The following GBX1 variants were observed in gnomAD, a reference collection of about 807,000 sequenced individuals.
The protein encoded by GBX1 is homeobox protein GBX-1.
Under a neutral mutation model 22.9 loss-of-function variants are expected in GBX1, and 9 were observed. That is an observed-to-expected ratio of 0.39 (90% confidence interval 0.24 to 0.69). The LOEUF is 0.69. Ranked by LOEUF, GBX1 falls within the 30% of genes least tolerant of loss-of-function variation. The pLI, the probability that GBX1 is intolerant of heterozygous loss-of-function variation, is 0.43. For missense variants in GBX1, 494 were observed against 509.2 expected (o/e 0.97, Z 0.29); for synonymous variants, 203 against 227.3 (o/e 0.89, Z 0.96).
rs1801035753 is a variant in GBX1 at position 151,148,203 on chromosome 7, T to TTGGCTAGGTA, written c.*385_*386insTACCTAGCCA. Among the ~76,000 whole-genome samples the TTGGCTAGGTA allele has an allele frequency of 6.6e-6, 1 of 152,162 alleles. No homozygotes were observed. Among genetic ancestry groups the TTGGCTAGGTA allele is most frequent in the Non-Finnish European group, 1.5e-5 (1 of 68,018 alleles). Reference sequence around the variant, plus strand: ...AATAAATAAGGAGCTGCGATCTACTTGGCTAGGTATCGCCTGTTCCCTCCA... The same window carrying TTGGCTAGGTA: ...AATAAATAAGGAGCTGCGATCTACTTTGGCTAGGTAGGCTAGGTATCGCCTGTTCCCTCCA... On this transcript the variant is annotated 3_prime_UTR_variant, in exon 2 of 2. Transcript: ENST00000297537. This position sits in a 1 kb window ranked among gnomAD's most constrained non-coding sequence, Gnocchi z 5.1.
At chr7:151,163,386 G>A (rs1377514452) in intron 1 of GBX1, among the ~76,000 whole-genome samples, 2 of 151,808 alleles carry the variant, frequency 1.3e-5, no homozygotes, top group Non-Finnish European at 2.9e-5. Flanking sequence ...CCAATTCAAA[G>A]CTCCTTTTCC....
At chr7:151,151,848 TC>T (rs904996981) in intron 1 of GBX1, among the ~76,000 whole-genome samples, 7 of 152,186 alleles carry the variant, frequency 4.6e-5, no homozygotes, top group African/African-American at 1.7e-4. Flanking sequence ...CCATGATTCC[TC>T]TTTCTGTCTG....
Position 151,149,004 on chromosome 7 carries a change from G to A in GBX1, c.677C>T (p.Pro226Leu), listed in dbSNP as rs749907803. 4.3e-6 allele frequency: 7 copies of A among 1,613,810 alleles called. No homozygotes were observed. In the African/African-American group the frequency reaches 9.3e-5, roughly 22 times the overall value. Residue 226 changes from proline (P) to leucine (L), a missense_variant, in exon 2 of 2, where the codon CCA (proline) becomes CTA (leucine). Physicochemically the swap from Pro to Leu is moderately conservative, Grantham distance 98 (BLOSUM62 -3). Coordinates refer to ENST00000297537, the MANE Select transcript of GBX1 (RefSeq NM_001098834.3). ...DGFLDSSAGG[P>L]GALLGPKPKL... ...CGGTTTAGGTCCCAGAAGAGCCCCT[G>A]GGCCCCCTGCAGAACTGTCCAGGAA...
chr7:151,148,216 C>T lies in GBX1; in HGVS notation c.*373G>A, dbSNP rs1801035946. 1.3e-5 allele frequency among the ~76,000 whole-genome samples: 2 copies of T among 152,152 alleles called. No homozygotes were observed. The highest frequency in any genetic ancestry group is 2.1e-4 in the South Asian group (1 of 4,816). ...CTGCGATCTACTTGGCTAGGTATCG[C>T]CTGTTCCCTCCACCCATCAGAAGCT... is the stretch of plus-strand genomic sequence containing the variant. On this transcript the variant is annotated 3_prime_UTR_variant, in exon 2 of 2. Transcript: ENST00000297537. This position sits in a 1 kb window ranked among gnomAD's most constrained non-coding sequence, Gnocchi z 5.1.
intron 1 of GBX1, among the ~76,000 whole-genome samples, chr7:151,161,296 T>C (rs1801185893): frequency 1.3e-5 from 2 of 152,184 alleles, no homozygotes; most frequent in Non-Finnish European, 2.9e-5. Context: ...TCATCTATTA[T>C]ATATATCTCC....
chr7:151,156,385 CAAAAAAAAAAAAAA>C (rs56947735), intron 1 of GBX1, among the ~76,000 whole-genome samples: 8 of 15,932 alleles, frequency 5.0e-4, no homozygotes, highest in Admixed American at 2.5e-3. Context: ...GACCCTGTCT[CAAAAAAAAAAAAAA>C]AAAAAAAAAA....
At chr7:151,156,984 CAAAAAAA>C (rs34479548) in intron 1 of GBX1, among the ~76,000 whole-genome samples, 29 of 50,102 alleles carry the variant, frequency 5.8e-4, no homozygotes, top group African/African-American at 1.3e-3. Context: ...GACTCTGTCT[CAAAAAAA>C]AAAAAAAAAA....
intron 1 of GBX1, among the ~76,000 whole-genome samples, chr7:151,153,527 C>G (rs1222164668): frequency 1.3e-5 from 2 of 151,210 alleles, no homozygotes; most frequent in African/African-American, 4.9e-5. Context: ...TTGCTATTGA[C>G]TAAAAATTGA....
intron 1 of GBX1, among the ~76,000 whole-genome samples, chr7:151,155,304 G>A (rs1216105172): frequency 6.6e-6 from 1 of 152,108 alleles, no homozygotes; most frequent in Non-Finnish European, 1.5e-5. Flanking sequence ...AAGAAACACA[G>A]GTCATTCCTC....
chr7:151,152,987 C>G (rs1288757784), intron 1 of GBX1, among the ~76,000 whole-genome samples: 2 of 152,054 alleles, frequency 1.3e-5, no homozygotes, highest in Non-Finnish European at 2.9e-5. Context: ...GAAAATACAG[C>G]CACATGCCTC....
At chr7:151,151,699 C>T (rs1801081190) in intron 1 of GBX1, among the ~76,000 whole-genome samples, 1 of 152,216 alleles carries the variant, frequency 6.6e-6, no homozygotes, top group African/African-American at 2.4e-5. Flanking sequence ...AGTGCTGCTG[C>T]CTTTAAAATA....
chr7:151,160,283 A>G (rs1281610112), intron 1 of GBX1, among the ~76,000 whole-genome samples: 13 of 152,210 alleles, frequency 8.5e-5, no homozygotes, highest in Admixed American at 8.5e-4. Flanking sequence ...TAATTGCAGC[A>G]CAAAGCACTT....
At position 151,148,037 on chromosome 7, in the gene GBX1, G is replaced by C. The variant is rs1379389993; in HGVS notation, c.*552C>G. On this transcript the variant is annotated 3_prime_UTR_variant, in exon 2 of 2. Coordinates refer to ENST00000297537, the MANE Select transcript of GBX1 (RefSeq NM_001098834.3). This position sits in a 1 kb window ranked among gnomAD's most constrained non-coding sequence, Gnocchi z 5.1. Reference sequence around the variant, plus strand: ...CGGTTGCATTTCATTTCTTTGTAAAGAGAGGCAAGATGGGGCCTACCCCAA... The same window carrying C: ...CGGTTGCATTTCATTTCTTTGTAAACAGAGGCAAGATGGGGCCTACCCCAA... Among the ~76,000 whole-genome samples, 1 of 152,190 alleles carries C rather than the reference G, an allele frequency of 6.6e-6. No homozygotes were observed. The highest frequency in any genetic ancestry group is 1.5e-5 in the Non-Finnish European group (1 of 68,030).
chr7:151,161,874 AG>A (rs1801191249), intron 1 of GBX1, among the ~76,000 whole-genome samples: 1 of 152,244 alleles, frequency 6.6e-6, no homozygotes, highest in Non-Finnish European at 1.5e-5. Context: ...GAGAATTGAA[AG>A]GAACATTAAA....
At chr7:151,149,228 A>T (rs1801049932) in intron 1 of GBX1, 86 bp from the exon 2 acceptor site, 11 of 1,312,916 alleles carry the variant, frequency 8.4e-6, no homozygotes, top group Non-Finnish European at 1.1e-5. Context: ...ATGGCCAGAA[A>T]TGGGGGGTTG....
intron 1 of GBX1, among the ~76,000 whole-genome samples, chr7:151,150,999 C>T (rs1801073513): frequency 6.6e-6 from 1 of 152,170 alleles, no homozygotes. Context: ...CCCAAAGTGC[C>T]AGGATTACAG....
chr7:151,165,326 T>C (rs1801237686), intron 1 of GBX1, among the ~76,000 whole-genome samples: 1 of 152,256 alleles, frequency 6.6e-6, no homozygotes, highest in Admixed American at 6.5e-5. Context: ...AAATTGCTTG[T>C]TGTCCCACAG....
chr7:151,156,251 T>G (rs745983474), intron 1 of GBX1, among the ~76,000 whole-genome samples: 1 of 151,362 alleles, frequency 6.6e-6, no homozygotes. Flanking sequence ...GCTGGGCACA[T>G]TGGCTTACAC....
chr7:151,167,149 G>C lies in GBX1; in HGVS notation c.400C>G (p.Arg134Gly). ...CGGCCGCCTGGCTCGGGGTTGTTTC[G>C]GGCGGCAGTGGCGGCGGCGGCGGCA... ...AAAAAAATAA[R>G]NNPEPGGRRP... Residue 134 changes from arginine to glycine, a missense_variant, in exon 1 of 2, where the codon CGA (arginine) becomes GGA (glycine). By Grantham distance (125) the Arg-to-Gly change is moderately radical. Around this residue, in one of 3 missense-constraint regions of GBX1, gnomAD observed 365 missense variants for 340.4 expected, o/e 1.07. Coordinates refer to ENST00000297537, the MANE Select transcript of GBX1 (RefSeq NM_001098834.3). This position sits in a 1 kb window ranked among gnomAD's most constrained non-coding sequence, Gnocchi z 5.9. 1.3e-6 allele frequency: 2 copies of C among 1,599,108 alleles called. No homozygotes were observed. Among genetic ancestry groups the C allele is most frequent in the Non-Finnish European group, 1.7e-6 (2 of 1,174,900 alleles).
Sources: allele counts gnomAD v4.1 joint callset (sites outside exome capture counted in the v4.1 genomes callset), GRCh38; gene constraint gnomAD v4.1.1; regional missense constraint gnomAD v4.1.1; non-coding constraint Gnocchi (gnomAD v3.1); transcripts MANE v1.5; gene names NCBI Gene and HGNC (gene_info 2026-07-23, HGNC 2026-07-21).